STS: variants seen among roughly 807,000 people sequenced by gnomAD.
STS encodes steroid sulfatase.
A neutral mutation model predicts 26.8 loss-of-function variants in STS; 7 were observed. The ratio of observed to expected loss-of-function variants is 0.26; its 90% CI spans 0.15 to 0.49. STS has a LOEUF of 0.49. Ranked by LOEUF, STS falls within the 20% of genes least tolerant of loss-of-function variation. The pLI, the probability that STS is intolerant of heterozygous loss-of-function variation, is 0.98. For missense variants in STS, 434 were observed against 465.6 expected, an observed-to-expected ratio of 0.93 and a Z score of 0.63; for synonymous variants, 199 against 189.4, an observed-to-expected ratio of 1.05 and a Z score of -0.42.
At chrX:7,225,395 C>T (rs776148427) in intron 2 of STS, among the ~76,000 whole-genome samples, 5 of 111,281 alleles carry the variant, frequency 4.5e-5, no homozygotes, top group Non-Finnish European at 7.5e-5. Flanking sequence ...CAAAGGGAAA[C>T]GGCACATGGG....
rs775716438 is a variant in STS at position 7,244,891 on chromosome X, G to A, written c.-4-8305G>A. Reference sequence around the variant, plus strand: ...TCTCATGTTATTTTTTCACACAGGAGAAATTGGTTAAGAAGTAGGTAAAGC... The same window carrying A: ...TCTCATGTTATTTTTTCACACAGGAAAAATTGGTTAAGAAGTAGGTAAAGC... On this transcript the variant is annotated intron_variant, in intron 2 of 10. Transcript: ENST00000674429. 3.0e-4 allele frequency among the ~76,000 whole-genome samples: 34 copies of A among 111,957 alleles called. 1 individual carries two copies. The highest frequency in any genetic ancestry group is 1.0e-3 in the African/African-American group (31 of 30,816).
At chrX:7,296,914 A>G (rs1906421101) in intron 7 of STS, among the ~76,000 whole-genome samples, 1 of 112,248 alleles carries the variant, frequency 8.9e-6, no homozygotes, top group African/African-American at 3.2e-5. Context: ...AGAATTAATT[A>G]CCAGGGGACA....
At chrX:7,153,082 C>T (rs1489999671) in intron 1 of STS, among the ~76,000 whole-genome samples, 2 of 111,807 alleles carry the variant, frequency 1.8e-5, no homozygotes, top group Non-Finnish European at 3.8e-5. Context: ...TCTGTCCTGC[C>T]AGGATTCTCA....
Position 7,299,082 on chromosome X carries a change from TATA to T in STS, c.944-5958_944-5956del, listed in dbSNP as rs1417810680. 1.5e-4 allele frequency among the ~76,000 whole-genome samples: 14 copies of T among 93,711 alleles called. No individual in the cohort carries two copies. In the South Asian group the frequency reaches 4.4e-3, roughly 30 times the overall value. The allele number at this position is 93,711 out of a possible 115,157, so 81.4% of individuals were successfully genotyped here. A position where few individuals can be genotyped will look rare whatever the true frequency, so the allele number is the denominator to read the frequency against. ...ATATTTATTTATATATAAATTATTT[TATA>T]ATAATTATGTTATATGTATATAACA... On this transcript the variant is annotated intron_variant, in intron 7 of 10. Coordinates refer to ENST00000674429, the MANE Select transcript of STS (RefSeq NM_001320752.2).
intron 2 of STS, among the ~76,000 whole-genome samples, chrX:7,214,256 G>T (rs1240566224): frequency 9.0e-6 from 1 of 111,636 alleles, no homozygotes; most frequent in Non-Finnish European, 1.9e-5. Flanking sequence ...TGATTGCGGA[G>T]GGGGGCCCCC....
intron 3 of STS, among the ~76,000 whole-genome samples, chrX:7,253,571 G>A (rs774577566): frequency 8.9e-6 from 1 of 112,286 alleles, no homozygotes; most frequent in African/African-American, 3.2e-5. Flanking sequence ...CTAAGAAGGT[G>A]TGCATCACAG....
At chrX:7,270,599 C>T (rs1185291231) in intron 6 of STS, among the ~76,000 whole-genome samples, 11 of 112,026 alleles carry the variant, frequency 9.8e-5, no homozygotes, top group African/African-American at 3.6e-4. Context: ...CAACTCTACT[C>T]GATGCACAGA....
intron 1 of STS, among the ~76,000 whole-genome samples, chrX:7,175,317 C>T (rs1490187880): frequency 9.1e-6 from 1 of 110,102 alleles, no homozygotes; most frequent in Non-Finnish European, 1.9e-5. Flanking sequence ...GAAACCCTGG[C>T]TCTACAAAAT....
intron 2 of STS, among the ~76,000 whole-genome samples, chrX:7,241,931 AT>A (rs1170948931): frequency 3.7e-5 from 4 of 108,732 alleles, no homozygotes; most frequent in Non-Finnish European, 7.7e-5. Context: ...TGAAAGCCTC[AT>A]TTTTTTTTGC....
At chrX:7,309,594 T>C (rs1191235511) in intron 8 of STS, among the ~76,000 whole-genome samples, 2 of 39,925 alleles carry the variant, frequency 5.0e-5, no homozygotes, top group Non-Finnish European at 9.1e-5. Context: ...ACCAGACTTC[T>C]TGTTAAAAAA....
chrX:7,273,859 C>T (rs1924403010), intron 6 of STS, among the ~76,000 whole-genome samples: 3 of 111,299 alleles, frequency 2.7e-5, no homozygotes, highest in Middle Eastern at 4.6e-3. Flanking sequence ...TAAGTATCTT[C>T]TACAGGTCAG....
At chrX:7,189,020 A>G (rs1475414207) in intron 1 of STS, among the ~76,000 whole-genome samples, 4 of 111,390 alleles carry the variant, frequency 3.6e-5, no homozygotes, top group African/African-American at 1.3e-4. Context: ...CTCTGGGGGG[A>G]AAAAATAACA....
chrX:7,241,249 A>G (rs1922604761), intron 2 of STS, among the ~76,000 whole-genome samples: 1 of 112,174 alleles, frequency 8.9e-6, no homozygotes, highest in African/African-American at 3.2e-5. Flanking sequence ...TAGTAAAAAT[A>G]CAACAAAACA....
intron 10 of STS, among the ~76,000 whole-genome samples, chrX:7,347,256 C>T (rs1462967121): frequency 2.7e-5 from 3 of 111,249 alleles, no homozygotes; most frequent in Non-Finnish European, 3.8e-5. Flanking sequence ...TTGTGAGCCA[C>T]TGTACAATAA....
At chrX:7,196,603 CACT>C (rs1300627605) in intron 2 of STS, among the ~76,000 whole-genome samples, 1 of 112,050 alleles carries the variant, frequency 8.9e-6, no homozygotes, top group Non-Finnish European at 1.9e-5. Flanking sequence ...ACACCACCAC[CACT>C]ACAACTATCA....
At chrX:7,260,424 A>G (rs1923686030) in intron 6 of STS, among the ~76,000 whole-genome samples, 1 of 110,658 alleles carries the variant, frequency 9.0e-6, no homozygotes, top group African/African-American at 3.3e-5. Context: ...TGTTTGTTTG[A>G]GAGGGAATCT....
At chrX:7,334,746 C>A (rs1216920173) in intron 10 of STS, among the ~76,000 whole-genome samples, 1 of 112,842 alleles carries the variant, frequency 8.9e-6, no homozygotes, top group Non-Finnish European at 1.9e-5. Context: ...TTTTGTGCGT[C>A]ATGCATATTT....
intron 8 of STS, among the ~76,000 whole-genome samples, chrX:7,320,182 A>C (rs1268431220): frequency 9.9e-6 from 1 of 100,612 alleles, no homozygotes; most frequent in Non-Finnish European, 2.0e-5. Flanking sequence ...TATTTTATAT[A>C]TATATAAAAT....
intron 2 of STS, among the ~76,000 whole-genome samples, chrX:7,211,911 G>T (rs1043798216): frequency 1.8e-5 from 2 of 109,593 alleles, no homozygotes; most frequent in African/African-American, 6.9e-5. Flanking sequence ...ACATATAAAA[G>T]CCAAACTGGG....
Sources: gnomAD v4.1 joint callset for allele counts (sites outside exome capture counted in the v4.1 genomes callset) on GRCh38, gnomAD v4.1.1 for gene constraint, MANE v1.5 for transcripts, NCBI Gene and HGNC (gene_info 2026-07-23, HGNC 2026-07-21) for gene names.